Variants in CYLC2 observed in about 807,000 individuals in gnomAD.
The protein encoded by CYLC2 is cylicin 2, also known as cylicin-2.
CYLC2 carries 30 observed loss-of-function variants against 26.1 expected under a neutral mutation model. That is an observed-to-expected ratio of 1.15 (90% CI 0.86 to 1.56). The LOEUF (loss-of-function observed/expected upper bound fraction) is 1.56, where lower values mean the gene tolerates loss of function less well. Ranked by LOEUF, CYLC2 falls within the 40% of genes most tolerant of loss-of-function variation. CYLC2 has a pLI of 0.00. For synonymous variants in CYLC2, 158 were observed against 132.8 expected (o/e 1.19, Z -1.31); for missense variants, 498 against 394.4 (o/e 1.26, Z -2.23).
At chr9:103,002,352 GC>G (rs769810101) in intron 2 of CYLC2, among the ~76,000 whole-genome samples, 2 of 114,916 alleles carry the variant, frequency 1.7e-5, no homozygotes, top group Non-Finnish European at 3.6e-5. Context: ...TATAGCATTT[GC>G]CCCCTTTTTT....
At chr9:103,015,339 G>A (rs1829488794) in intron 6 of CYLC2, among the ~76,000 whole-genome samples, 1 of 121,712 alleles carries the variant, frequency 8.2e-6, no homozygotes, top group African/African-American at 3.3e-5. Flanking sequence ...AATATATTAT[G>A]TTATATATAT....
chr9:103,015,283 T>C (rs1157941589), intron 6 of CYLC2, among the ~76,000 whole-genome samples: 3 of 81,290 alleles, frequency 3.7e-5, no homozygotes, highest in African/African-American at 7.0e-5. Flanking sequence ...TTATATATTA[T>C]ATAATATAAT....
chr9:103,008,571 C>A (rs1433364888), intron 5 of CYLC2, among the ~76,000 whole-genome samples: 5 of 151,978 alleles, frequency 3.3e-5, no homozygotes, highest in Non-Finnish European at 7.4e-5. Flanking sequence ...TCCAGCAATG[C>A]CTCTTTCTCC....
intron 6 of CYLC2, among the ~76,000 whole-genome samples, chr9:103,013,161 A>ATTATATAAATATATATTTAATATG (rs1338790953): frequency 7.3e-6 from 1 of 136,116 alleles, no homozygotes; most frequent in Admixed American, 8.2e-5. Flanking sequence ...ATAAATATAT[A>ATTATATAAATATATATTTAATATG]TTATATAAAT....
rs564723400 is a variant in CYLC2 at position 103,005,052 on chromosome 9, T to G, written c.421T>G (p.Ser141Ala). 12 of 1,597,984 alleles carry G rather than the reference T, an allele frequency of 7.5e-6. No homozygotes were observed. The East Asian group carries it at 1.3e-4, about 18-fold the overall frequency. Reference sequence around the variant, plus strand: ...AGAATTAAAACAAGGAAAAAAAGATTCAAAGAAAGGCAAGGATATAGAGAA... The same window carrying G: ...AGAATTAAAACAAGGAAAAAAAGATGCAAAGAAAGGCAAGGATATAGAGAA... ...ESELKQGKKD[S>A]KKGKDIEKGK... is the part of the protein sequence containing the mutation. The change falls in exon 5 of 8, where the codon TCA becomes GCA. Residue 141 changes from serine to alanine, a missense_variant. By Grantham distance (99) the Ser-to-Ala change is moderately conservative. Transcript: ENST00000374798.
intron 3 of CYLC2, among the ~76,000 whole-genome samples, chr9:103,004,014 T>C (rs569403953): frequency 2.8e-4 from 43 of 152,198 alleles, no homozygotes; most frequent in Non-Finnish European, 5.0e-4. Flanking sequence ...AAGTTCTTTT[T>C]TTCTTGCTGA....
intron 5 of CYLC2, among the ~76,000 whole-genome samples, chr9:103,008,857 A>G (rs578089435): frequency 6.6e-6 from 1 of 152,204 alleles, no homozygotes; most frequent in Non-Finnish European, 1.5e-5. Context: ...CCACAACGCC[A>G]TATCCCATTC....
At chr9:102,998,734 T>C (rs1482581847) in intron 1 of CYLC2, among the ~76,000 whole-genome samples, 1 of 151,906 alleles carries the variant, frequency 6.6e-6, no homozygotes, top group Admixed American at 6.6e-5. Context: ...AAAACTTTGA[T>C]CACACAAAAA....
intron 6 of CYLC2, among the ~76,000 whole-genome samples, chr9:103,014,180 CAT>C (rs1829458856): frequency 8.7e-6 from 1 of 114,984 alleles, no homozygotes; most frequent in Non-Finnish European, 1.6e-5. Flanking sequence ...TTATATATCT[CAT>C]ATATAATATA....
At chr9:103,017,943 C>A (rs1829523824) in intron 7 of CYLC2, among the ~76,000 whole-genome samples, 1 of 151,902 alleles carries the variant, frequency 6.6e-6, no homozygotes, top group Non-Finnish European at 1.5e-5. Flanking sequence ...CATTACGGTC[C>A]ATCTTAATGA....
intron 2 of CYLC2, among the ~76,000 whole-genome samples, chr9:103,002,357 CTTTTTTTT>C (rs61123272): frequency 9.0e-5 from 7 of 77,644 alleles, no homozygotes; most frequent in East Asian, 4.4e-4. Flanking sequence ...CATTTGCCCC[CTTTTTTTT>C]TTTTTTTTTT....
rs765499405 is a variant in CYLC2 at position 103,005,038 on chromosome 9, A to C, written c.407A>C (p.Gln136Pro). The change falls in exon 5 of 8, where the codon CAA (glutamine) becomes CCA (proline). Residue 136 changes from glutamine (Q) to proline (P), a missense_variant. Coordinates refer to ENST00000374798, the MANE Select transcript of CYLC2 (RefSeq NM_001340.5). The part of the protein sequence containing the change: ...DTTDSESELK[Q>P]GKKDSKKGKD... The stretch of plus-strand genomic sequence containing the variant: ...ACAGATTCGGAATCAGAATTAAAAC[A>C]AGGAAAAAAAGATTCAAAGAAAGGC... 1.3e-6 allele frequency: 2 copies of C among 1,597,910 alleles called. No individual in the cohort carries two copies. The highest frequency in any genetic ancestry group is 1.7e-6 in the Non-Finnish European group (2 of 1,176,148).
chr9:102,995,967 T>G (rs2118216443), intron 1 of CYLC2, among the ~76,000 whole-genome samples: 1 of 151,984 alleles, frequency 6.6e-6, no homozygotes, highest in Non-Finnish European at 1.5e-5. Context: ...AGTAGTTTAC[T>G]TATGCTTAAT....
chr9:102,999,220 T>A (rs1478454468), intron 1 of CYLC2, among the ~76,000 whole-genome samples: 5 of 151,848 alleles, frequency 3.3e-5, no homozygotes, highest in African/African-American at 1.2e-4. Context: ...ATTTCAAGTT[T>A]TAATTAATTT....
chr9:103,011,461 T>A (rs1416847162), intron 5 of CYLC2, among the ~76,000 whole-genome samples: 1 of 152,096 alleles, frequency 6.6e-6, no homozygotes, highest in Admixed American at 6.6e-5. Context: ...CTTAAGCTAT[T>A]TCTATAGAAA....
intron 6 of CYLC2, among the ~76,000 whole-genome samples, chr9:103,014,667 T>C (rs1439340678): frequency 7.1e-6 from 1 of 139,892 alleles, no homozygotes; most frequent in Non-Finnish European, 1.5e-5. Flanking sequence ...ACACCATATG[T>C]ATATTATGCA....
chr9:102,995,398 G>A lies in CYLC2; in HGVS notation c.17+1G>A. ...TGGGGAAAATGTCTCTCCCAAGATT[G>A]TAAGTCAAATTTTATGTTTTAAAAT... On this transcript the variant is annotated splice_donor_variant, in intron 1 of 7. Transcript: ENST00000374798. LOFTEE classifies it high-confidence loss of function. 6.2e-7 allele frequency: 1 copy of A among 1,602,730 alleles called. No individual in the cohort carries two copies. The highest frequency in any genetic ancestry group is 1.1e-5 in the South Asian group (1 of 90,726).
intron 5 of CYLC2, among the ~76,000 whole-genome samples, chr9:103,007,841 G>A (rs1406836631): frequency 1.3e-5 from 2 of 152,072 alleles, no homozygotes; most frequent in Admixed American, 6.5e-5. Flanking sequence ...TACCTTCCAA[G>A]GAACAGTAAG....
At chr9:103,011,296 T>G (rs952461308) in intron 5 of CYLC2, among the ~76,000 whole-genome samples, 3 of 152,158 alleles carry the variant, frequency 2.0e-5, no homozygotes, top group South Asian at 2.1e-4. Context: ...CCCCCTTCAT[T>G]TTGTTTAACT....
Sources: allele counts gnomAD v4.1 joint callset (sites outside exome capture counted in the v4.1 genomes callset), GRCh38; gene constraint gnomAD v4.1.1; transcripts MANE v1.5; gene names NCBI Gene and HGNC (gene_info 2026-07-23, HGNC 2026-07-21).